Variants in POLA1 observed in about 807,000 individuals in gnomAD.
POLA1 encodes the protein DNA polymerase alpha 1, catalytic subunit.
Under a neutral mutation model 124.0 loss-of-function variants are expected in POLA1, and 15 were observed. That is an observed-to-expected ratio of 0.12 (90% CI 0.08 to 0.19). The LOEUF (loss-of-function observed/expected upper bound fraction) is 0.19, where lower values mean the gene tolerates loss of function less well. Ranked by LOEUF, POLA1 falls within the 10% of genes least tolerant of loss-of-function variation. The probability of loss-of-function intolerance (pLI) is 1.00; values close to 1 mark genes in which losing one functional copy is unlikely to be tolerated. For missense variants in POLA1, 886 were observed against 1,103.4 expected, an observed-to-expected ratio of 0.80 and a Z score of 2.79; for synonymous variants, 408 against 389.4, an observed-to-expected ratio of 1.05 and a Z score of -0.56.
At chrX:24,803,215 G>A (rs1056606729) in intron 26 of POLA1, among the ~76,000 whole-genome samples, 4 of 110,810 alleles carry the variant, frequency 3.6e-5, no homozygotes, top group South Asian at 7.7e-4. Context: ...ATTCTCAACC[G>A]GTGCAGTTTT....
At chrX:24,739,869 T>C (rs1433944724) in intron 20 of POLA1, among the ~76,000 whole-genome samples, 5 of 112,158 alleles carry the variant, frequency 4.5e-5, no homozygotes, top group African/African-American at 1.6e-4. Context: ...ATCATTAAGT[T>C]AGAGGTATTG....
chrX:24,724,305 T>TC (rs746305875), intron 11 of POLA1, 30 bp from the exon 12 acceptor site: 66 of 716,451 alleles, frequency 9.2e-5, no homozygotes, highest in Non-Finnish European at 1.4e-4. Flanking sequence ...TACTTTTTTT[T>TC]CCCCTCTGTC....
chrX:24,892,709 T>C (rs1275727867), intron 35 of POLA1, among the ~76,000 whole-genome samples: 1 of 112,345 alleles, frequency 8.9e-6, no homozygotes, highest in Non-Finnish European at 1.9e-5. Context: ...TCATTCTTGA[T>C]GTAGAGCTGA....
intron 34 of POLA1, among the ~76,000 whole-genome samples, chrX:24,862,591 T>A: frequency 9.0e-6 from 1 of 111,253 alleles, no homozygotes; most frequent in East Asian, 2.8e-4. Context: ...CTTTAAACAA[T>A]CTCTAGCATT....
intron 35 of POLA1, among the ~76,000 whole-genome samples, chrX:24,928,928 G>A (rs2047732581): frequency 8.9e-6 from 1 of 111,856 alleles, no homozygotes; most frequent in African/African-American, 3.2e-5. Context: ...GAGACTTGTG[G>A]AAGGAATGCG....
At chrX:24,762,922 GA>G (rs781322198) in intron 26 of POLA1, among the ~76,000 whole-genome samples, 92 of 110,873 alleles carry the variant, frequency 8.3e-4, no homozygotes, top group African/African-American at 2.9e-3. Flanking sequence ...ATTTTTAGTA[GA>G]GTTGGGGTTT....
intron 35 of POLA1, among the ~76,000 whole-genome samples, chrX:24,923,733 G>T (rs868826147): frequency 1.8e-5 from 2 of 112,139 alleles, no homozygotes; most frequent in South Asian, 7.4e-4. Context: ...ATCCAAATAA[G>T]TTATTTCTGT....
chrX:24,738,031 G>A (rs1268931945), intron 19 of POLA1, among the ~76,000 whole-genome samples: 1 of 99,506 alleles, frequency 1.0e-5, no homozygotes, highest in African/African-American at 4.6e-5. Context: ...GGCTAACAAG[G>A]TGAAACCCCG....
chrX:24,973,268 G>A lies in POLA1; in HGVS notation c.4262-22537G>A, dbSNP rs185825094. Among the ~76,000 whole-genome samples the A allele has an allele frequency of 3.4e-3, 374 of 111,500 alleles. 1 individual carries two copies. Among genetic ancestry groups the A allele is most frequent in the African/African-American group, 0.011 (336 of 30,621 alleles). ...AGCTACTACTTGGGAGGCTGAGGCA[G>A]GAGAATCTTGAACTTGAACCCAGGA... On this transcript the variant is annotated intron_variant, in intron 36 of 36. Coordinates refer to ENST00000379068, the MANE Select transcript of POLA1 (RefSeq NM_001330360.2).
chrX:24,935,258 G>C, intron 36 of POLA1, among the ~76,000 whole-genome samples: 1 of 112,248 alleles, frequency 8.9e-6, no homozygotes, highest in South Asian at 3.7e-4. Flanking sequence ...ATGAATTTTG[G>C]GGGGGCACAA....
chrX:24,694,149 C>T (rs1046362368), intron 1 of POLA1, 145 bp downstream of exon 1: 2 of 599,832 alleles, frequency 3.3e-6, no homozygotes, highest in Non-Finnish European at 5.0e-6. Flanking sequence ...GGCGTCGGAC[C>T]GGGCTTCCTT....
intron 21 of POLA1, 129 bp from the exon 22 acceptor site, chrX:24,741,873 T>TAA (rs1247984512): frequency 1.3e-5 from 5 of 397,203 alleles, no homozygotes; most frequent in African/African-American, 8.2e-5. Context: ...TTTTTTTTTT[T>TAA]AAAAAAAAAG....
intron 36 of POLA1, among the ~76,000 whole-genome samples, chrX:24,989,232 C>T (rs1187225479): frequency 9.0e-6 from 1 of 111,053 alleles, no homozygotes; most frequent in Non-Finnish European, 1.9e-5. Flanking sequence ...AAACACATTT[C>T]TCACCTTCCT....
chrX:24,709,353 C>T (rs1450560535), intron 4 of POLA1, among the ~76,000 whole-genome samples: 1 of 100,704 alleles, frequency 9.9e-6, no homozygotes, highest in Admixed American at 9.9e-5. Context: ...GACCCCCCCA[C>T]CTCCCTCCCG....
chrX:24,932,283 G>T (rs1027517035), intron 36 of POLA1, among the ~76,000 whole-genome samples: 1 of 112,197 alleles, frequency 8.9e-6, no homozygotes, highest in Non-Finnish European at 1.9e-5. Context: ...TCCCTATACG[G>T]CTCTAAAATT....
At chrX:24,965,083 C>T (rs748885539) in intron 36 of POLA1, among the ~76,000 whole-genome samples, 1 of 111,968 alleles carries the variant, frequency 8.9e-6, no homozygotes, top group Non-Finnish European at 1.9e-5. Context: ...GAAGGAAGGG[C>T]TCGATACCTT....
intron 36 of POLA1, among the ~76,000 whole-genome samples, chrX:24,975,657 C>T (rs950866863): frequency 8.9e-6 from 1 of 111,916 alleles, no homozygotes; most frequent in Non-Finnish European, 1.9e-5. Context: ...GTAATGTCTT[C>T]GTATGATTTC....
intron 3 of POLA1, among the ~76,000 whole-genome samples, chrX:24,703,717 T>C (rs756798071): frequency 8.9e-6 from 1 of 112,165 alleles, no homozygotes; most frequent in Non-Finnish European, 1.9e-5. Flanking sequence ...TCTATGACCT[T>C]GGACAAGTCA....
chrX:24,913,834 C>T (rs760093940), intron 35 of POLA1, among the ~76,000 whole-genome samples: 1 of 109,779 alleles, frequency 9.1e-6, no homozygotes, highest in South Asian at 3.9e-4. Context: ...TCGAGACCAA[C>T]GTGGCCAACA....
Sources: allele counts gnomAD v4.1 joint callset (sites outside exome capture counted in the v4.1 genomes callset), GRCh38; gene constraint gnomAD v4.1.1; transcripts MANE v1.5; gene names NCBI Gene and HGNC (gene_info 2026-07-23, HGNC 2026-07-21).